PATJ: variants seen among roughly 807,000 people sequenced by gnomAD.
The protein encoded by PATJ is PATJ crumbs cell polarity complex component.
Under a neutral mutation model 224.9 loss-of-function variants are expected in PATJ, and 190 were observed. The observed-to-expected ratio is 0.84, with a 90% CI of 0.75 to 0.95. The LOEUF is 0.95. PATJ is among the 40% of genes least tolerant of loss of function. The pLI, the probability that PATJ is intolerant of heterozygous loss-of-function variation, is 0.00. For synonymous variants in PATJ, 769 were observed against 820.3 expected, an observed-to-expected ratio of 0.94 and a Z score of 1.07; for missense variants, 2,121 against 2,270.3, an observed-to-expected ratio of 0.93 and a Z score of 1.34.
chr1:61,885,434 C>G (rs1259072542), intron 22 of PATJ, among the ~76,000 whole-genome samples: 3 of 152,170 alleles, frequency 2.0e-5, no homozygotes, highest in Admixed American at 6.5e-5. Flanking sequence ...AAATGCTCAT[C>G]ATCACTGGCC....
chr1:61,891,222 T>G (rs762157450), intron 22 of PATJ, among the ~76,000 whole-genome samples: 2 of 152,074 alleles, frequency 1.3e-5, no homozygotes, highest in African/African-American at 4.8e-5. Context: ...TTGTTAGGAA[T>G]AGTGGGAGGA....
intron 28 of PATJ, among the ~76,000 whole-genome samples, chr1:62,012,291 C>G (rs1001669427): frequency 1.3e-5 from 2 of 152,092 alleles, no homozygotes; most frequent in Non-Finnish European, 2.9e-5. Flanking sequence ...AAACTAATTG[C>G]TAAAGCACCT....
intron 13 of PATJ, among the ~76,000 whole-genome samples, 193 bp from the exon 14 acceptor site, chr1:61,808,281 A>G (rs1036617215): frequency 6.6e-6 from 1 of 152,204 alleles, no homozygotes; most frequent in Non-Finnish European, 1.5e-5. Flanking sequence ...GTTGTGGAGA[A>G]CAACAACAAA....
chr1:61,838,118 C>T (rs1660477407), intron 17 of PATJ, among the ~76,000 whole-genome samples: 3 of 152,046 alleles, frequency 2.0e-5, no homozygotes, highest in Admixed American at 2.0e-4. Context: ...TCTTTATTAG[C>T]TCTTAGGGTA....
Position 61,805,544 on chromosome 1 carries a change from T to TA in PATJ, c.1626+26dup, listed in dbSNP as rs1367578553. 3 of 1,379,442 alleles carry TA rather than the reference T, an allele frequency of 2.2e-6. No individual in the cohort carries two copies. The highest frequency in any genetic ancestry group is 2.4e-5 in the South Asian group (2 of 85,076). 85.5% of individuals were successfully genotyped at this position (1,379,442 alleles called of 1,614,324 possible). A position where few individuals can be genotyped will look rare whatever the true frequency, so the allele number is the denominator to read the frequency against. ...GTAATGGTATGTTAAAATGCTCTAA[T>TA]AAAAAACATTCATGTCTCATTTCAC... is the stretch of plus-strand genomic sequence containing the variant. On this transcript the variant is annotated intron_variant, in intron 13 of 43. Transcript: ENST00000642238.
rs1014464985 is a variant in PATJ, at chr1:62,015,161, G to A, written c.3868-2695G>A. Among the ~76,000 whole-genome samples the A allele has an allele frequency of 4.0e-5, 6 of 151,814 alleles. No homozygotes were observed. The South Asian group carries it at 8.3e-4, about 21-fold the overall frequency. ...CTAAAAATACAAAAAAAAATTAGCC[G>A]GGCTTGGTGGCGGGCACCTGTAATC... is the stretch of plus-strand genomic sequence containing the variant. On this transcript the variant is annotated intron_variant, in intron 28 of 43. Coordinates refer to ENST00000642238, the MANE Select transcript of PATJ (RefSeq NM_001350145.3).
At chr1:61,812,429 A>AGTGTGTGT (rs1355150780) in intron 14 of PATJ, among the ~76,000 whole-genome samples, 1 of 111,376 alleles carries the variant, frequency 9.0e-6, no homozygotes, top group African/African-American at 3.5e-5. Context: ...AGAGAGAGAG[A>AGTGTGTGT]GAGAGTGTGT....
intron 27 of PATJ, among the ~76,000 whole-genome samples, chr1:61,983,351 A>T (rs1644552206): frequency 6.6e-6 from 1 of 151,920 alleles, no homozygotes; most frequent in African/African-American, 2.4e-5. Context: ...AGGCACTGAA[A>T]AAAATGATTA....
intron 1 of PATJ, among the ~76,000 whole-genome samples, chr1:61,754,579 C>G (rs1417219790): frequency 7.5e-6 from 1 of 133,918 alleles, no homozygotes; most frequent in East Asian, 2.3e-4. Context: ...CCAGGCTGGT[C>G]TCAAACTCCT....
intron 30 of PATJ, among the ~76,000 whole-genome samples, chr1:62,049,784 CA>C (rs765529108): frequency 1.7e-4 from 26 of 152,262 alleles, no homozygotes; most frequent in Non-Finnish European, 2.6e-4. Context: ...AACAAGTACT[CA>C]GTGCATTCAT....
intron 31 of PATJ, among the ~76,000 whole-genome samples, chr1:62,060,656 A>G (rs755502031): frequency 3.3e-5 from 5 of 152,062 alleles, no homozygotes; most frequent in Non-Finnish European, 7.4e-5. Flanking sequence ...ATCGTATTAG[A>G]TAATGTAAGT....
At chr1:61,949,897 G>T (rs894887577) in intron 27 of PATJ, among the ~76,000 whole-genome samples, 1 of 142,862 alleles carries the variant, frequency 7.0e-6, no homozygotes, top group Non-Finnish European at 1.5e-5. Flanking sequence ...GCGAGACTCT[G>T]TCTCAAAAAA....
intron 16 of PATJ, among the ~76,000 whole-genome samples, chr1:61,828,592 G>A (rs988166916): frequency 6.6e-6 from 1 of 151,612 alleles, no homozygotes; most frequent in East Asian, 1.9e-4. Flanking sequence ...GGGTCTTGCC[G>A]TATTTCCCAG....
chr1:62,000,081 G>T (rs934801016), intron 28 of PATJ, among the ~76,000 whole-genome samples: 1 of 151,872 alleles, frequency 6.6e-6, no homozygotes, highest in Admixed American at 6.6e-5. Flanking sequence ...TAGAGATGGG[G>T]TTTCACCATA....
At chr1:61,985,174 C>T (rs11207891) in intron 27 of PATJ, among the ~76,000 whole-genome samples, 40,474 of 151,830 alleles carry the variant, frequency 0.27, 5,746 homozygotes, top group East Asian at 0.45. Context: ...TAGCTGGGCG[C>T]GGTGGCGCAT....
chr1:62,141,133 T>A (rs1041436848), intron 41 of PATJ, among the ~76,000 whole-genome samples: 1 of 152,024 alleles, frequency 6.6e-6, no homozygotes, highest in Non-Finnish European at 1.5e-5. Context: ...ACTGTCCCTC[T>A]GCCCCTCCCC....
intron 26 of PATJ, among the ~76,000 whole-genome samples, chr1:61,916,177 G>A (rs1211908041): frequency 6.6e-6 from 1 of 151,832 alleles, no homozygotes; most frequent in Non-Finnish European, 1.5e-5. Flanking sequence ...CAATAATCTA[G>A]TGGAGAATAC....
rs936211682 is a variant in PATJ at position 61,927,826 on chromosome 1, G to A, written c.3667G>A (p.Asp1223Asn). Residue 1223 changes from aspartate to asparagine, a missense_variant, in exon 27 of 44, where the codon GAC (aspartate) becomes AAC (asparagine). Physicochemically the swap from Asp to Asn is conservative, Grantham distance 23. Coordinates refer to ENST00000642238, the MANE Select transcript of PATJ (RefSeq NM_001350145.3). ...DENEEEDAFT[D>N]QKIRQRYADL... ...AAATGAAGAAGAAGATGCCTTTACC[G>A]ACCGTGAGTGCCTTTTCACTATTTA... 1.3e-5 allele frequency: 21 copies of A among 1,603,250 alleles called. No individual in the cohort carries two copies. Among genetic ancestry groups the A allele is most frequent in the Admixed American group, 5.0e-5 (3 of 59,628 alleles).
In PATJ at chr1:61,875,242, G is replaced by A. The variant is rs754370839; in HGVS notation, c.2836-1G>A. On this transcript the variant is annotated splice_acceptor_variant, in intron 20 of 43. Coordinates refer to ENST00000642238, the MANE Select transcript of PATJ (RefSeq NM_001350145.3). LOFTEE classifies it high-confidence loss of function. Reference sequence around the variant, plus strand: ...GCATTTCTATTTTTCTTCCTCTCAAGATGAAAGAAAATTTTGTCATGGAGT... The same window carrying A: ...GCATTTCTATTTTTCTTCCTCTCAAAATGAAAGAAAATTTTGTCATGGAGT... 14 of 1,579,986 alleles carry A rather than the reference G, an allele frequency of 8.9e-6. No homozygotes were observed. The highest frequency in any genetic ancestry group is 1.2e-5 in the Non-Finnish European group (14 of 1,156,392).
Sources: allele counts gnomAD v4.1 joint callset (sites outside exome capture counted in the v4.1 genomes callset), GRCh38; gene constraint gnomAD v4.1.1; transcripts MANE v1.5; gene names NCBI Gene and HGNC (gene_info 2026-07-23, HGNC 2026-07-21).